Variants in DNAH14 observed in about 807,000 individuals in gnomAD.
DNAH14 encodes dynein axonemal heavy chain 14, also known as axonemal beta dynein heavy chain 14.
DNAH14 carries 478 observed loss-of-function variants against 520.9 expected under a neutral mutation model. The observed-to-expected ratio is 0.92, with a 90% CI of 0.85 to 0.99. The LOEUF is 0.99. Ranked by LOEUF, DNAH14 falls within the 50% of genes least tolerant of loss-of-function variation. DNAH14 has a pLI of 0.00. For missense variants in DNAH14, 4,831 were observed against 5,234.5 expected (o/e 0.92, Z 2.38); for synonymous variants, 1,581 against 1,757.2 (o/e 0.90, Z 2.51).
At chr1:225,135,242 T>C (rs943703455) in intron 27 of DNAH14, among the ~76,000 whole-genome samples, 4 of 152,174 alleles carry the variant, frequency 2.6e-5, no homozygotes, top group African/African-American at 9.7e-5. Flanking sequence ...TTAGTTGAGA[T>C]GTTAGGTTGT....
intron 23 of DNAH14, among the ~76,000 whole-genome samples, chr1:225,105,808 A>T (rs1482584212): frequency 6.6e-6 from 1 of 152,056 alleles, no homozygotes; most frequent in Non-Finnish European, 1.5e-5. Flanking sequence ...TTTCCTGAAT[A>T]CAGCACACTG....
chr1:225,286,849 A>G (rs1461367413), intron 54 of DNAH14, among the ~76,000 whole-genome samples: 4 of 152,202 alleles, frequency 2.6e-5, no homozygotes, highest in Non-Finnish European at 5.9e-5. Flanking sequence ...AAAGCAAATG[A>G]ATAAACACAC....
rs1050491765 is a variant in DNAH14, at chr1:225,003,060, A to G, written c.975+133A>G. On this transcript the variant is annotated intron_variant, in intron 9 of 85. Transcript: ENST00000682510. ...TCTCTTTCGATTACTACCGTTCTAA[A>G]ATATCTGCAAAGAATGTGAGTTCCT... The G allele has an allele frequency of 8.7e-6, 7 of 804,024 alleles. No individual in the cohort carries two copies. In the African/African-American group the frequency reaches 1.2e-4, roughly 14 times the overall value. The allele number at this position is 804,024 out of a possible 1,614,324, so 49.8% of individuals were successfully genotyped here. A position where few individuals can be genotyped will look rare whatever the true frequency, so the allele number is the denominator to read the frequency against.
chr1:225,179,934 T>C (rs1050255195), intron 36 of DNAH14, among the ~76,000 whole-genome samples: 3 of 152,054 alleles, frequency 2.0e-5, no homozygotes, highest in Non-Finnish European at 4.4e-5. Flanking sequence ...AAATATATGA[T>C]CCCACTGCCT....
At position 225,111,656 on chromosome 1, in the gene DNAH14, T is replaced by C. The variant is rs56815959; in HGVS notation, c.3868-6028T>C. Among the ~76,000 whole-genome samples, 763 of 152,180 alleles carry C rather than the reference T, an allele frequency of 5.0e-3. 6 individuals carry two copies. Among genetic ancestry groups the C allele is most frequent in the African/African-American group, 0.017 (720 of 41,570 alleles). ...GTTATCATTCATAAGTAAGGACTTA[T>C]GCTTGCCATTTTTAAAATTTGTTTT... On this transcript the variant is annotated intron_variant, in intron 23 of 85. Transcript: ENST00000682510.
intron 38 of DNAH14, among the ~76,000 whole-genome samples, chr1:225,199,804 A>G (rs1252901952): frequency 6.6e-6 from 1 of 152,186 alleles, no homozygotes; most frequent in Non-Finnish European, 1.5e-5. Flanking sequence ...AATAGAATGT[A>G]TATTCTGCAG....
chr1:225,101,627 T>C (rs749234949), intron 23 of DNAH14, among the ~76,000 whole-genome samples: 7 of 152,188 alleles, frequency 4.6e-5, no homozygotes, highest in Admixed American at 3.3e-4. Context: ...TTTTTGTGCC[T>C]GGTTTTTTTT....
chr1:224,962,026 C>T (rs1340123823), intron 4 of DNAH14, among the ~76,000 whole-genome samples: 2 of 151,954 alleles, frequency 1.3e-5, no homozygotes, highest in Non-Finnish European at 2.9e-5. Flanking sequence ...GATTTTAGAA[C>T]AATTATTAAA....
intron 23 of DNAH14, among the ~76,000 whole-genome samples, chr1:225,114,803 C>G (rs1236549114): frequency 6.6e-6 from 1 of 152,186 alleles, no homozygotes; most frequent in Non-Finnish European, 1.5e-5. Context: ...CTCTCTCCCC[C>G]AAGCACACTC....
chr1:225,238,242 G>A (rs1289478873), intron 42 of DNAH14, among the ~76,000 whole-genome samples: 1 of 152,148 alleles, frequency 6.6e-6, no homozygotes, highest in Admixed American at 6.5e-5. Flanking sequence ...TCTCATCTTT[G>A]TGGGCTTATC....
rs17587619 is a variant in DNAH14, at chr1:225,332,614, T to G, written c.9865-677T>G. On this transcript the variant is annotated intron_variant, in intron 65 of 85. Transcript: ENST00000682510. The stretch of plus-strand genomic sequence containing the variant: ...AAATGTCTGGCAGATAAGTAAAGAT[T>G]CAGTAAATATGGGTTGTTGTTGCTG... Among the ~76,000 whole-genome samples, 1,436 of 152,208 alleles carry G rather than the reference T, an allele frequency of 9.4e-3. 16 individuals are homozygous for G. The highest frequency in any genetic ancestry group is 0.012 in the Non-Finnish European group (834 of 68,008).
intron 64 of DNAH14, among the ~76,000 whole-genome samples, chr1:225,329,434 G>A (rs941060715): frequency 3.3e-5 from 5 of 152,168 alleles, no homozygotes; most frequent in African/African-American, 1.2e-4. Context: ...AGGTTGTGGA[G>A]GCATTAGTTG....
chr1:225,358,215 T>C (rs1015832606), intron 73 of DNAH14, among the ~76,000 whole-genome samples: 1 of 152,076 alleles, frequency 6.6e-6, no homozygotes, highest in African/African-American at 2.4e-5. Context: ...TTAGGGAGTA[T>C]AACTTGGATC....
intron 79 of DNAH14, 121 bp downstream of exon 79, chr1:225,377,557 C>T (rs1179924663): frequency 3.2e-6 from 3 of 926,318 alleles, no homozygotes; most frequent in South Asian, 2.0e-5. Context: ...CTCAGGAGTT[C>T]GAGACCACTC....
intron 42 of DNAH14, among the ~76,000 whole-genome samples, chr1:225,239,304 G>A (rs767300367): frequency 2.1e-4 from 32 of 152,102 alleles, no homozygotes; most frequent in Non-Finnish European, 3.4e-4. Context: ...TGGGACCCAA[G>A]CCCCTGGTGG....
At chr1:225,293,142 GA>G (rs2093930517) in intron 55 of DNAH14, among the ~76,000 whole-genome samples, 1 of 152,120 alleles carries the variant, frequency 6.6e-6, no homozygotes, top group Non-Finnish European at 1.5e-5. Flanking sequence ...ACACCAGTCA[GA>G]ATGGCTACTA....
intron 41 of DNAH14, among the ~76,000 whole-genome samples, chr1:225,218,678 C>T (rs535283016): frequency 3.3e-5 from 5 of 151,306 alleles, no homozygotes; most frequent in Admixed American, 1.3e-4. Flanking sequence ...TCTTAGAGAC[C>T]GACAAACAGA....
intron 23 of DNAH14, among the ~76,000 whole-genome samples, chr1:225,116,854 T>C (rs2076907792): frequency 6.6e-6 from 1 of 152,172 alleles, no homozygotes; most frequent in Non-Finnish European, 1.5e-5. Flanking sequence ...AAGCTCTCAG[T>C]AAATTTGGTA....
At chr1:225,033,740 T>G (rs1198054577) in intron 11 of DNAH14, among the ~76,000 whole-genome samples, 12 of 152,166 alleles carry the variant, frequency 7.9e-5, no homozygotes, top group Non-Finnish European at 2.9e-5. Flanking sequence ...TCTTCTCTGA[T>G]TTTTTGAGCA....
Sources: allele counts gnomAD v4.1 joint callset (sites outside exome capture counted in the v4.1 genomes callset), GRCh38; gene constraint gnomAD v4.1.1; transcripts MANE v1.5; gene names NCBI Gene and HGNC (gene_info 2026-07-23, HGNC 2026-07-21).